KCNB2: variants seen among roughly 807,000 people sequenced by gnomAD.
KCNB2 encodes the protein potassium voltage-gated channel subfamily B member 2, also known as delayed rectifier potassium channel protein.
In KCNB2, 15 loss-of-function variants were observed where a neutral mutation model predicts 61.5. That is an observed-to-expected ratio of 0.24 (90% CI 0.16 to 0.38). The LOEUF is 0.38. Ranked by LOEUF, KCNB2 falls within the 10% of genes least tolerant of loss-of-function variation. KCNB2 has a pLI of 1.00. For synonymous variants in KCNB2, 457 were observed against 446.0 expected (o/e 1.02, Z -0.31); for missense variants, 828 against 1,125.2 (o/e 0.74, Z 3.78).
At position 72,834,850 on chromosome 8, in the gene KCNB2, G is replaced by A. The variant is rs535808032; in HGVS notation, c.580-101085G>A. The stretch of plus-strand genomic sequence containing the variant: ...CTTTGAGTATAATTTCGGAAGTCAT[G>A]CCTGAAATGTATATAGTATCGCCTT... On this transcript the variant is annotated intron_variant, in intron 2 of 2. Transcript: ENST00000523207. Among the ~76,000 whole-genome samples, 15 of 152,290 alleles carry A rather than the reference G, an allele frequency of 9.8e-5. No homozygotes were observed. The East Asian group carries it at 2.5e-3, about 25-fold the overall frequency.
intron 2 of KCNB2, among the ~76,000 whole-genome samples, chr8:72,647,049 G>A (rs1806140062): frequency 6.6e-6 from 1 of 152,130 alleles, no homozygotes. Flanking sequence ...AGTCTCTCTT[G>A]CTCTGCGTCT....
chr8:72,570,659 A>G (rs929940706), intron 2 of KCNB2, among the ~76,000 whole-genome samples: 1 of 152,134 alleles, frequency 6.6e-6, no homozygotes, highest in Non-Finnish European at 1.5e-5. Flanking sequence ...AAGAAAAAGT[A>G]GTAATATTAC....
chr8:72,802,488 A>G (rs1418214122), intron 2 of KCNB2, among the ~76,000 whole-genome samples: 1 of 152,230 alleles, frequency 6.6e-6, no homozygotes, highest in African/African-American at 2.4e-5. Flanking sequence ...TACAAGTTGT[A>G]GTATACTAAG....
At position 72,568,195 on chromosome 8, in the gene KCNB2, G is replaced by A; in HGVS notation, c.461G>A (p.Arg154Gln). ...GAACAAATGAACGAAGAACTGAGGC[G>A]AGAGGCAGAGACTATGCGAGAGCGA... ...KKEQMNEELR[R>Q]EAETMREREG... Residue 154 changes from arginine (R) to glutamine (Q), a missense_variant, in exon 2 of 3, where the codon CGA becomes CAA. This residue lies in a region of KCNB2 where 163 missense variants were observed against 314.4 expected (regional missense o/e 0.52). Transcript: ENST00000523207. 4 of 1,614,134 alleles carry A rather than the reference G, an allele frequency of 2.5e-6. No individual in the cohort carries two copies. The highest frequency in any genetic ancestry group is 3.4e-6 in the Non-Finnish European group (4 of 1,180,016).
intron 2 of KCNB2, among the ~76,000 whole-genome samples, chr8:72,757,380 G>A (rs1181190274): frequency 6.6e-6 from 1 of 152,160 alleles, no homozygotes; most frequent in African/African-American, 2.4e-5. Context: ...TTACTCTTCT[G>A]AAAAACATGG....
intron 2 of KCNB2, among the ~76,000 whole-genome samples, chr8:72,920,473 C>CTATCTATATATA (rs1406310738): frequency 1.5e-4 from 12 of 78,744 alleles, no homozygotes; most frequent in African/African-American, 5.4e-4. Context: ...ATCTATCTAT[C>CTATCTATATATA]TATATATATA....
At position 72,561,727 on chromosome 8, in the gene KCNB2, A is replaced by G. The variant is rs1302146038; in HGVS notation, c.-93-5915A>G. 6.9e-3 allele frequency among the ~76,000 whole-genome samples: 244 copies of G among 35,228 alleles called. 14 individuals carry two copies. Among genetic ancestry groups the G allele is most frequent in the Middle Eastern group, 0.015 (1 of 66 alleles). The allele number at this position is 35,228 out of a possible 152,430, so 23.1% of individuals were successfully genotyped here. On this transcript the variant is annotated intron_variant, in intron 1 of 2. Transcript: ENST00000523207. ...TATATATATATATATATATATATAT[A>G]TCTATATCTATATATATATGTATAT...
intron 2 of KCNB2, among the ~76,000 whole-genome samples, chr8:72,681,347 A>T (rs1261464431): frequency 1.3e-5 from 2 of 152,202 alleles, no homozygotes; most frequent in African/African-American, 2.4e-5. Flanking sequence ...AAAAATTTTT[A>T]ATTTTTTACT....
chr8:72,874,251 C>A (rs59673670), intron 2 of KCNB2, among the ~76,000 whole-genome samples: 1,996 of 152,264 alleles, frequency 0.013, 59 homozygotes, highest in African/African-American at 0.046. Context: ...TTAGCTGTAA[C>A]TTTGTCCTAG....
At chr8:72,910,047 C>G (rs1035280771) in intron 2 of KCNB2, among the ~76,000 whole-genome samples, 12 of 152,182 alleles carry the variant, frequency 7.9e-5, no homozygotes, top group Non-Finnish European at 1.8e-4. Context: ...TTGGCATATA[C>G]AACAGTCATA....
intron 2 of KCNB2, among the ~76,000 whole-genome samples, chr8:72,907,087 G>A (rs1322936286): frequency 2.6e-5 from 4 of 152,138 alleles, no homozygotes; most frequent in East Asian, 1.9e-4. Context: ...GGCTGTGCAC[G>A]TTGGCGCACA....
intron 1 of KCNB2, among the ~76,000 whole-genome samples, chr8:72,550,862 G>C (rs1806335191): frequency 6.6e-6 from 1 of 152,224 alleles, no homozygotes; most frequent in Admixed American, 6.5e-5. Context: ...ATGGTAGGCA[G>C]TGTCTGGGAG....
At chr8:72,809,620 C>T (rs933870303) in intron 2 of KCNB2, among the ~76,000 whole-genome samples, 1 of 152,032 alleles carries the variant, frequency 6.6e-6, no homozygotes, top group Non-Finnish European at 1.5e-5. Flanking sequence ...TTAATATTCC[C>T]CCCAAATATG....
rs73296095 is a variant in KCNB2 at position 72,805,540 on chromosome 8, A to T, written c.580-130395A>T. Reference sequence around the variant, plus strand: ...GCATACAGCTATGTTCTCAAAGATTATTCCTGCTGCAAATAAAGATCTTGG... The same window carrying T: ...GCATACAGCTATGTTCTCAAAGATTTTTCCTGCTGCAAATAAAGATCTTGG... On this transcript the variant is annotated intron_variant, in intron 2 of 2. Coordinates refer to ENST00000523207, the MANE Select transcript of KCNB2 (RefSeq NM_004770.3). Among the ~76,000 whole-genome samples, 1,247 of 152,350 alleles carry T rather than the reference A, an allele frequency of 8.2e-3. 16 individuals are homozygous for T. The highest frequency in any genetic ancestry group is 0.028 in the African/African-American group (1,181 of 41,574).
At chr8:72,688,544 G>C (rs908896172) in intron 2 of KCNB2, among the ~76,000 whole-genome samples, 1 of 152,010 alleles carries the variant, frequency 6.6e-6, no homozygotes, top group Admixed American at 6.6e-5. Flanking sequence ...GTGTTTGTCT[G>C]TCTCCCCACT....
intron 2 of KCNB2, among the ~76,000 whole-genome samples, chr8:72,679,536 G>A (rs1303113790): frequency 6.6e-6 from 1 of 152,188 alleles, no homozygotes; most frequent in Admixed American, 6.5e-5. Context: ...AACCAAAGAA[G>A]TTAACAGCAA....
chr8:72,937,110 G>A lies in KCNB2; in HGVS notation c.1755G>A (p.Gln585=). 1.9e-6 allele frequency: 3 copies of A among 1,614,186 alleles called. No homozygotes were observed. The highest frequency in any genetic ancestry group is 2.5e-6 in the Non-Finnish European group (3 of 1,180,036). ...AAGAAGTGGTGTGTCCACAGGAGCA[G>A]CTGGCCGTGGCACAGACCGAGGTCA... ...EMEEVVCPQE[Q]LAVAQTEVIV... is the part of the protein sequence containing the mutation. The change falls in exon 3 of 3, where the codon CAG becomes CAA. Residue 585 remains glutamine, a synonymous_variant. Transcript: ENST00000523207.
intron 2 of KCNB2, among the ~76,000 whole-genome samples, chr8:72,914,570 GAC>G (rs1806357893): frequency 6.6e-6 from 1 of 152,164 alleles, no homozygotes; most frequent in Admixed American, 6.5e-5. Context: ...GTTAAAGTAA[GAC>G]AGTCTGCATA....
At chr8:72,643,434 C>T (rs989372924) in intron 2 of KCNB2, among the ~76,000 whole-genome samples, 5 of 152,076 alleles carry the variant, frequency 3.3e-5, no homozygotes, top group Admixed American at 3.3e-4. Flanking sequence ...ACTGAAACCA[C>T]ATAGTGTTTA....
Sources: allele counts gnomAD v4.1 joint callset (sites outside exome capture counted in the v4.1 genomes callset), GRCh38; gene constraint gnomAD v4.1.1; regional missense constraint gnomAD v4.1.1; transcripts MANE v1.5; gene names NCBI Gene and HGNC (gene_info 2026-07-23, HGNC 2026-07-21).